The following PPARGC1A variants were observed in gnomAD, a reference collection of about 807,000 sequenced individuals.
The protein encoded by PPARGC1A is peroxisome proliferator-activated receptor gamma coactivator 1-alpha.
PPARGC1A carries 25 observed loss-of-function variants against 88.7 expected under a neutral mutation model. That is an observed-to-expected ratio of 0.28 (90% confidence interval 0.21 to 0.39). The LOEUF (loss-of-function observed/expected upper bound fraction) is 0.39, where lower values mean the gene tolerates loss of function less well. Ranked by LOEUF, PPARGC1A falls within the 10% of genes least tolerant of loss-of-function variation. The pLI is 1.00. For synonymous variants in PPARGC1A, 363 were observed against 355.6 expected (o/e 1.02, Z -0.24); for missense variants, 880 against 968.7 (o/e 0.91, Z 1.22).
At chr4:24,002,070 A>T in the PPARGC1A span, among the ~76,000 whole-genome samples, 2 of 100,862 alleles carry the variant, frequency 2.0e-5, no homozygotes, top group Admixed American at 1.1e-4. Context: ...TGATAAATTC[A>T]CACACACACA....
the PPARGC1A span, among the ~76,000 whole-genome samples, chr4:24,378,213 T>C: frequency 1.6e-4 from 25 of 152,234 alleles, no homozygotes; most frequent in Middle Eastern, 6.8e-3. Context: ...TGCGCATGCC[T>C]GTAGTCCCAG....
intron 10 of PPARGC1A, among the ~76,000 whole-genome samples, chr4:23,804,159 C>G (rs531339834): frequency 6.6e-6 from 1 of 152,162 alleles, no homozygotes; most frequent in Non-Finnish European, 1.5e-5. Context: ...GCCTGAGGAA[C>G]CTCACACTAC....
the PPARGC1A span, among the ~76,000 whole-genome samples, chr4:24,252,415 C>A: frequency 6.6e-6 from 1 of 152,176 alleles, no homozygotes; most frequent in Non-Finnish European, 1.5e-5. Context: ...TTCTGCCTTT[C>A]GTGGTTTTTC....
chr4:24,148,915 C>A, the PPARGC1A span, among the ~76,000 whole-genome samples: 2 of 152,196 alleles, frequency 1.3e-5, no homozygotes, highest in South Asian at 4.1e-4. Flanking sequence ...AAATGCCTCT[C>A]TAAATGCAAT....
At chr4:23,821,969 C>G (rs748577078) in intron 7 of PPARGC1A, among the ~76,000 whole-genome samples, 1 of 152,068 alleles carries the variant, frequency 6.6e-6, no homozygotes, top group Non-Finnish European at 1.5e-5. Flanking sequence ...TACTTCAGAT[C>G]GAACCACATA....
At chr4:23,999,986 A>G in the PPARGC1A span, among the ~76,000 whole-genome samples, 1 of 152,172 alleles carries the variant, frequency 6.6e-6, no homozygotes, top group East Asian at 1.9e-4. Context: ...CGTCATTAAA[A>G]TGCTCTCGGG....
the PPARGC1A span, among the ~76,000 whole-genome samples, chr4:24,097,155 A>T: frequency 1.1e-3 from 165 of 152,322 alleles, no homozygotes; most frequent in African/African-American, 3.7e-3. Context: ...CAACTAAAAA[A>T]TAGTTTTCCA....
chr4:24,035,517 G>T, the PPARGC1A span, among the ~76,000 whole-genome samples: 3 of 152,084 alleles, frequency 2.0e-5, 1 homozygote, highest in Admixed American at 6.5e-5. Context: ...TCACATTCCA[G>T]CCTGGGCGAT....
rs1721540954 is a variant in PPARGC1A, at chr4:23,814,417, C to G, written c.1066G>C (p.Ala356Pro). Reference sequence around the variant, plus strand: ...AGGACTGAGGACTTGCTGAGTTGTGCATACAACTCGGATTGCTCCGGCCCT... The same window carrying G: ...AGGACTGAGGACTTGCTGAGTTGTGGATACAACTCGGATTGCTCCGGCCCT... ...KKGPEQSELY[A>P]QLSKSSVLTG... The change falls in exon 8 of 13, where the codon GCA (alanine) becomes CCA (proline). Residue 356 changes from alanine to proline, a missense_variant. Transcript: ENST00000264867. The G allele has an allele frequency of 6.2e-7, 1 of 1,613,576 alleles. No homozygotes were observed. Among genetic ancestry groups the G allele is most frequent in the Admixed American group, 1.7e-5 (1 of 59,946 alleles).
At chr4:24,354,900 A>T in the PPARGC1A span, among the ~76,000 whole-genome samples, 7 of 151,122 alleles carry the variant, frequency 4.6e-5, no homozygotes, top group African/African-American at 1.7e-4. Context: ...ACAAAAACAA[A>T]CAAACAAAAA....
chr4:24,207,711 A>G, the PPARGC1A span, among the ~76,000 whole-genome samples: 1 of 152,244 alleles, frequency 6.6e-6, no homozygotes, highest in Non-Finnish European at 1.5e-5. Context: ...ATTTAAAAAA[A>G]TTTCCTCAGC....
the PPARGC1A span, among the ~76,000 whole-genome samples, chr4:24,253,960 C>A: frequency 1.2e-4 from 19 of 152,140 alleles, 1 homozygote; most frequent in Non-Finnish European, 2.6e-4. Context: ...AATGATGGAC[C>A]AGTTCCTGCT....
the PPARGC1A span, among the ~76,000 whole-genome samples, chr4:24,256,339 T>G: frequency 6.6e-6 from 1 of 152,168 alleles, no homozygotes; most frequent in African/African-American, 2.4e-5. Context: ...CAAGTCTGCC[T>G]TCATCATGAT....
At chr4:24,085,231 A>G in the PPARGC1A span, among the ~76,000 whole-genome samples, 1 of 152,228 alleles carries the variant, frequency 6.6e-6, no homozygotes, top group Non-Finnish European at 1.5e-5. Flanking sequence ...GAGAAGGTAG[A>G]GAGTACACAA....
At chr4:24,277,838 G>T in the PPARGC1A span, among the ~76,000 whole-genome samples, 3 of 152,174 alleles carry the variant, frequency 2.0e-5, no homozygotes, top group Middle Eastern at 3.4e-3. Flanking sequence ...TCATCAGTAA[G>T]TAATTTACCC....
At chr4:23,798,771 A>G (rs1718103751) in intron 12 of PPARGC1A, among the ~76,000 whole-genome samples, 1 of 152,084 alleles carries the variant, frequency 6.6e-6, no homozygotes, top group Admixed American at 6.6e-5. Context: ...AAGACAGTAA[A>G]TAGAAAGACA....
At chr4:24,167,876 C>T in the PPARGC1A span, among the ~76,000 whole-genome samples, 3,007 of 152,260 alleles carry the variant, frequency 0.02, 50 homozygotes, top group Non-Finnish European at 0.032. Flanking sequence ...ACCTCAGCCT[C>T]CTGAGTAGCT....
the PPARGC1A span, among the ~76,000 whole-genome samples, chr4:23,988,199 G>T: frequency 6.6e-6 from 1 of 152,152 alleles, no homozygotes; most frequent in East Asian, 1.9e-4. Context: ...ATGGACATTT[G>T]GGTTGGTTCC....
the PPARGC1A span, among the ~76,000 whole-genome samples, chr4:23,929,545 T>A: frequency 3.9e-5 from 6 of 152,152 alleles, no homozygotes; most frequent in African/African-American, 1.4e-4. Context: ...GTGGTTCAAG[T>A]CCCTCTGCAG....
Sources: allele counts gnomAD v4.1 joint callset (sites outside exome capture counted in the v4.1 genomes callset), GRCh38; gene constraint gnomAD v4.1.1; transcripts MANE v1.5; gene names NCBI Gene and HGNC (gene_info 2026-07-23, HGNC 2026-07-21).